Variants in ADSS1 observed in about 807,000 individuals in gnomAD.
ADSS1 encodes adenylosuccinate synthase 1, also known as adenylosuccinate synthetase isozyme 1.
A neutral mutation model predicts 59.1 loss-of-function variants in ADSS1; 57 were observed. The observed-to-expected ratio is 0.97, with a 90% CI of 0.78 to 1.20. The LOEUF is 1.20. Among genes scored for constraint, ADSS1 ranks in the 50% most tolerant of loss-of-function variants. The pLI, the probability that ADSS1 is intolerant of heterozygous loss-of-function variation, is 0.00. For synonymous variants in ADSS1, 247 were observed against 249.4 expected, an observed-to-expected ratio of 0.99 and a Z score of 0.09; for missense variants, 603 against 610.3, an observed-to-expected ratio of 0.99 and a Z score of 0.13.
At chr14:104,744,736 G>A (rs1891493303) in intron 10 of ADSS1, 76 bp from the exon 11 acceptor site, 1 of 1,418,762 alleles carries the variant, frequency 7.0e-7, no homozygotes, top group South Asian at 1.2e-5. Context: ...AGAAGCGAGA[G>A]GTCAAAAGCA....
Position 104,739,767 on chromosome 14 carries a change from G to C in ADSS1, c.427G>C (p.Ala143Pro). Residue 143 changes from alanine to proline, a missense_variant, in exon 5 of 13, where the codon GCT becomes CCT. By Grantham distance (27) the Ala-to-Pro change is conservative (BLOSUM62 -1). Coordinates refer to ENST00000330877, the MANE Select transcript of ADSS1 (RefSeq NM_152328.5). ...CCCGACAGTGTTTGATTTTCACCAG[G>C]CTGTCGACGGACTTCAGGAAGTGCA... ...RAHLVFDFHQAVDGLQEVQRQ... is the reference protein window; with the variant it reads ...RAHLVFDFHQPVDGLQEVQRQ... 1 of 1,613,864 alleles carries C rather than the reference G, an allele frequency of 6.2e-7. No homozygotes were observed. Among genetic ancestry groups the C allele is most frequent in the South Asian group, 1.1e-5 (1 of 91,070 alleles).
intron 11 of ADSS1, chr14:104,745,157 A>G (rs544427166): frequency 6.0e-4 from 281 of 466,376 alleles, no homozygotes; most frequent in Non-Finnish European, 1.0e-3. Context: ...GGAATGGCTC[A>G]GGGGGACAGA....
At position 104,744,811 on chromosome 14, in the gene ADSS1, G is replaced by C; in HGVS notation, c.1074-1G>C. ...TTGCCCGGCCCCTTGGCTTTCCACA[G>C]GCTGGCCCTGACGAAGCTGGACATC... is the stretch of plus-strand genomic sequence containing the variant. On this transcript the variant is annotated splice_acceptor_variant, in intron 10 of 12. Transcript: ENST00000330877. LOFTEE classifies it high-confidence loss of function. 6.2e-7 allele frequency: 1 copy of C among 1,614,154 alleles called. No individual in the cohort carries two copies. The highest frequency in any genetic ancestry group is 8.5e-7 in the Non-Finnish European group (1 of 1,180,028).
intron 1 of ADSS1, among the ~76,000 whole-genome samples, chr14:104,725,746 T>A (rs994666939): frequency 3.3e-5 from 5 of 152,154 alleles, no homozygotes; most frequent in Admixed American, 3.3e-4. Flanking sequence ...AGCGCTCTAC[T>A]GCTCTTCACC....
chr14:104,739,243 G>A, intron 3 of ADSS1, 85 bp from the exon 4 acceptor site: 1 of 1,451,342 alleles, frequency 6.9e-7, no homozygotes, highest in South Asian at 1.2e-5. Flanking sequence ...TGGGAGCCGG[G>A]CGAGCTAGCC....
At position 104,740,896 on chromosome 14, in the gene ADSS1, T is replaced by C; in HGVS notation, c.642T>C (p.Ile214=). The stretch of plus-strand genomic sequence containing the variant: ...TGTTCCCCACCCTGGAAATAGACAT[T>C]GAAGGCCAACTCAAAAGGCTCAAGG... ...QSMFPTLEID[I]EGQLKRLKGF... Residue 214 remains isoleucine (I), a synonymous_variant, in exon 7 of 13, where the codon ATT becomes ATC. Transcript: ENST00000330877. This position sits in a 1 kb window ranked among gnomAD's most constrained non-coding sequence, Gnocchi z 4.8. 1 of 1,613,898 alleles carries C rather than the reference T, an allele frequency of 6.2e-7. No individual in the cohort carries two copies. The highest frequency in any genetic ancestry group is 8.5e-7 in the Non-Finnish European group (1 of 1,179,996).
At chr14:104,743,215 C>T (rs753765610) in intron 10 of ADSS1, 24 bp downstream of exon 10, 7 of 1,605,568 alleles carry the variant, frequency 4.4e-6, no homozygotes, top group South Asian at 2.2e-5. Context: ...GCTGCCATCC[C>T]CACTGGGACC....
chr14:104,724,528 G>A (rs551402019), intron 1 of ADSS1, 66 bp downstream of exon 1: 152 of 1,196,416 alleles, frequency 1.3e-4, no homozygotes, highest in Admixed American at 3.8e-4. Context: ...GACCCAGACG[G>A]CCCCTGTCCT....
intron 3 of ADSS1, 63 bp from the exon 4 acceptor site, chr14:104,739,265 C>T: frequency 1.9e-6 from 3 of 1,543,568 alleles, no homozygotes; most frequent in South Asian, 2.4e-5. Context: ...AGCTCTGGCC[C>T]CTCACGTGTG....
intron 2 of ADSS1, among the ~76,000 whole-genome samples, chr14:104,736,182 G>C (rs991276067): frequency 6.6e-6 from 1 of 152,222 alleles, no homozygotes; most frequent in Non-Finnish European, 1.5e-5. Context: ...CCAGCAGTGG[G>C]GCCAGGACAG....
At chr14:104,729,547 G>A (rs1462444083) in intron 1 of ADSS1, among the ~76,000 whole-genome samples, 2 of 126,060 alleles carry the variant, frequency 1.6e-5, no homozygotes, top group Non-Finnish European at 3.4e-5. Context: ...GGGGAGGAGC[G>A]TGGCGTCGGC....
At chr14:104,737,152 G>T (rs1025711775) in intron 2 of ADSS1, 2 of 151,968 alleles carry the variant, frequency 1.3e-5, no homozygotes, top group African/African-American at 4.8e-5. Context: ...CATTCTACCA[G>T]TCTGGACAAA....
Position 104,746,382 on chromosome 14 carries a change from G to A in ADSS1, c.1318G>A (p.Ala440Thr), listed in dbSNP as rs1344354892. The A allele has an allele frequency of 2.0e-5, 33 of 1,610,096 alleles. No individual in the cohort carries two copies. The highest frequency in any genetic ancestry group is 4.0e-5 in the African/African-American group (3 of 74,878). Residue 440 changes from alanine to threonine, a missense_variant, in exon 12 of 13, where the codon GCA (alanine) becomes ACA (threonine). Ala to Thr is a moderately conservative substitution (Grantham distance 58). Transcript: ENST00000330877. ...IRFVENHVGV[A>T]VKWVGVGKSR... Reference sequence around the variant, plus strand: ...CTTTGTGGAGAATCACGTGGGAGTCGCAGGTGGGTGCCCTGCATCCCCAGC... The same window carrying A: ...CTTTGTGGAGAATCACGTGGGAGTCACAGGTGGGTGCCCTGCATCCCCAGC...
Position 104,724,438 on chromosome 14 carries a change from C to T in ADSS1, c.168C>T (p.Asp56=), listed in dbSNP as rs754813445. Residue 56 remains aspartate (D), a synonymous_variant, in exon 1 of 13, where the codon GAC becomes GAT. Coordinates refer to ENST00000330877, the MANE Select transcript of ADSS1 (RefSeq NM_152328.5). Reference sequence around the variant, plus strand: ...AGGTGGTGGACCTGCTGGCCACGGACGCCGACATCATCAGCCGCTGCCAGG... The same window carrying T: ...AGGTGGTGGACCTGCTGGCCACGGATGCCGACATCATCAGCCGCTGCCAGG... ...KGKVVDLLAT[D]ADIISRCQGG... is the part of the protein sequence containing the mutation. 7 of 1,258,310 alleles carry T rather than the reference C, an allele frequency of 5.6e-6. No homozygotes were observed. Among genetic ancestry groups the T allele is most frequent in the Non-Finnish European group, 7.0e-6 (7 of 996,878 alleles). 77.9% of individuals were successfully genotyped at this position (1,258,310 alleles called of 1,614,324 possible).
chr14:104,738,532 G>A, intron 3 of ADSS1, 94 bp downstream of exon 3: 1 of 1,400,828 alleles, frequency 7.1e-7, no homozygotes, highest in Non-Finnish European at 9.9e-7. Flanking sequence ...TCCCACGGAG[G>A]GGACTGGCAG....
intron 4 of ADSS1, 71 bp downstream of exon 4, chr14:104,739,449 C>T: frequency 1.3e-6 from 2 of 1,518,678 alleles, no homozygotes; most frequent in Non-Finnish European, 1.8e-6. Flanking sequence ...CCTGCTCCTA[C>T]ATGGCCACCG....
Position 104,741,252 on chromosome 14 carries a change from G to A in ADSS1, c.793+9G>A, listed in dbSNP as rs772697990. The A allele has an allele frequency of 8.3e-6, 13 of 1,557,828 alleles. No individual in the cohort carries two copies. Among genetic ancestry groups the A allele is most frequent in the African/African-American group, 4.1e-5 (3 of 72,988 alleles). The stretch of plus-strand genomic sequence containing the variant: ...CCTCGACATTGACTTCGGTATGTCC[G>A]GGAGGGTGTGCGTGCCAACGACCTT... On this transcript the variant is annotated intron_variant, in intron 8 of 12. Coordinates refer to ENST00000330877, the MANE Select transcript of ADSS1 (RefSeq NM_152328.5).
chr14:104,743,531 C>T, intron 10 of ADSS1: 2 of 265,334 alleles, frequency 7.5e-6, no homozygotes, highest in East Asian at 1.7e-4. Context: ...AGAAGGACGG[C>T]AGCATGGGTG....
At chr14:104,725,474 G>C (rs1424701810) in intron 1 of ADSS1, among the ~76,000 whole-genome samples, 3 of 152,178 alleles carry the variant, frequency 2.0e-5, no homozygotes, top group African/African-American at 7.2e-5. Context: ...GAGGGCTGGG[G>C]CCCAAGACGA....
Sources: allele counts gnomAD v4.1 joint callset (sites outside exome capture counted in the v4.1 genomes callset), GRCh38; gene constraint gnomAD v4.1.1; non-coding constraint Gnocchi (gnomAD v3.1); transcripts MANE v1.5; gene names NCBI Gene and HGNC (gene_info 2026-07-23, HGNC 2026-07-21).